The following GLCCI1 variants were observed in gnomAD, a reference collection of about 807,000 sequenced individuals.
The protein encoded by GLCCI1 is glucocorticoid-induced transcript 1 protein.
Under a neutral mutation model 52.2 loss-of-function variants are expected in GLCCI1, and 24 were observed. The ratio of observed to expected loss-of-function variants is 0.46; its 90% CI spans 0.33 to 0.65. GLCCI1 has a LOEUF of 0.65. Ranked by LOEUF, GLCCI1 falls within the 30% of genes least tolerant of loss-of-function variation. The pLI, the probability that GLCCI1 is intolerant of heterozygous loss-of-function variation, is 0.02. For synonymous variants in GLCCI1, 310 were observed against 276.5 expected, an observed-to-expected ratio of 1.12 and a Z score of -1.20; for missense variants, 704 against 701.5, an observed-to-expected ratio of 1.00 and a Z score of -0.04.
At chr7:8,040,796 A>G (rs1781979751) in intron 3 of GLCCI1, among the ~76,000 whole-genome samples, 1 of 152,252 alleles carries the variant, frequency 6.6e-6, no homozygotes, top group South Asian at 2.1e-4. Flanking sequence ...ACAAATGTTT[A>G]TCGCAGCATC....
chr7:8,025,722 T>C (rs2127949905), intron 3 of GLCCI1, among the ~76,000 whole-genome samples: 1 of 152,030 alleles, frequency 6.6e-6, no homozygotes, highest in East Asian at 1.9e-4. Context: ...AGAAAATGGG[T>C]CATCACATGT....
intron 1 of GLCCI1, among the ~76,000 whole-genome samples, chr7:7,994,072 A>G (rs1167488453): frequency 6.6e-6 from 1 of 152,110 alleles, no homozygotes; most frequent in Non-Finnish European, 1.5e-5. Context: ...TGGCCAACAT[A>G]GTGAAACCCT....
intron 6 of GLCCI1, among the ~76,000 whole-genome samples, chr7:8,080,240 G>A (rs564088332): frequency 8.6e-5 from 13 of 151,516 alleles, no homozygotes; most frequent in East Asian, 1.9e-4. Context: ...TAACACTAGA[G>A]TAGTAATTTT....
intron 1 of GLCCI1, among the ~76,000 whole-genome samples, chr7:8,002,100 A>G (rs1192622426): frequency 6.6e-6 from 1 of 152,166 alleles, no homozygotes; most frequent in Non-Finnish European, 1.5e-5. Context: ...TATACTTTTA[A>G]AAAAAGGAAA....
Position 8,086,570 on chromosome 7 carries a change from C to T in GLCCI1, c.*32C>T, listed in dbSNP as rs753886553. 6.6e-7 allele frequency: 1 copy of T among 1,509,388 alleles called. No individual in the cohort carries two copies. Among genetic ancestry groups the T allele is most frequent in the East Asian group, 2.3e-5 (1 of 44,198 alleles). 93.5% of individuals were successfully genotyped at this position (1,509,388 alleles called of 1,614,324 possible). On this transcript the variant is annotated 3_prime_UTR_variant, in exon 8 of 8. Transcript: ENST00000223145. This position sits in a 1 kb window ranked among gnomAD's most constrained non-coding sequence, Gnocchi z 4.4. Reference sequence around the variant, plus strand: ...GGGAGCTGGCCTCCACCCTATGTTCCATGGATTCGGAACAAGATTTCAGAC... The same window carrying T: ...GGGAGCTGGCCTCCACCCTATGTTCTATGGATTCGGAACAAGATTTCAGAC...
At chr7:7,980,620 A>G (rs1026380145) in intron 1 of GLCCI1, 1 of 785,660 alleles carries the variant, frequency 1.3e-6, no homozygotes, top group African/African-American at 1.7e-5. Context: ...TGATCAAGCA[A>G]GCTTTTTTGA....
At chr7:7,996,903 G>C (rs544974045) in intron 1 of GLCCI1, among the ~76,000 whole-genome samples, 1 of 152,278 alleles carries the variant, frequency 6.6e-6, no homozygotes, top group South Asian at 2.1e-4. Flanking sequence ...CTTCAGTTTT[G>C]CTCTTTGGTT....
chr7:8,084,416 G>A (rs995409461), intron 6 of GLCCI1, among the ~76,000 whole-genome samples: 8 of 151,962 alleles, frequency 5.3e-5, no homozygotes, highest in African/African-American at 9.7e-5. Flanking sequence ...TTTCCCCTGC[G>A]TACGTGTTAT....
rs1329449880 is a variant in GLCCI1, at chr7:8,043,635, A to C, written c.697-11798A>C. On this transcript the variant is annotated intron_variant, in intron 3 of 7. Transcript: ENST00000223145. ...TGGGGGGTGATGAAAAAGTCCTAAA[A>C]TTGGATTGTGATTCTTGTTGTATAA... Among the ~76,000 whole-genome samples, 10 of 152,340 alleles carry C rather than the reference A, an allele frequency of 6.6e-5. No homozygotes were observed. The East Asian group carries it at 1.9e-3, about 29-fold the overall frequency.
intron 6 of GLCCI1, among the ~76,000 whole-genome samples, chr7:8,079,731 AGTG>A (rs1387558401): frequency 6.6e-6 from 1 of 151,548 alleles, no homozygotes; most frequent in East Asian, 1.9e-4. Context: ...TGGAATGAGA[AGTG>A]ATTACAAAAT....
intron 1 of GLCCI1, among the ~76,000 whole-genome samples, chr7:7,990,786 A>G (rs1369344094): frequency 6.6e-6 from 1 of 152,114 alleles, no homozygotes; most frequent in African/African-American, 2.4e-5. Flanking sequence ...GTGTCAATAT[A>G]TATGAAAGTA....
chr7:8,059,962 C>T (rs1782478037), intron 4 of GLCCI1, 134 bp from the exon 5 acceptor site: 27 of 699,686 alleles, frequency 3.9e-5, no homozygotes, highest in Middle Eastern at 2.7e-4. Flanking sequence ...ATATGTGCAC[C>T]TGAATTTTAT....
intron 2 of GLCCI1, among the ~76,000 whole-genome samples, chr7:8,013,166 A>AT (rs1376908979): frequency 6.6e-6 from 1 of 151,934 alleles, no homozygotes; most frequent in African/African-American, 2.4e-5. Flanking sequence ...ATTGGGAAAG[A>AT]TTTTTTCCAC....
At chr7:8,023,254 A>T (rs944262002) in intron 3 of GLCCI1, among the ~76,000 whole-genome samples, 2 of 152,134 alleles carry the variant, frequency 1.3e-5, no homozygotes, top group African/African-American at 2.4e-5. Flanking sequence ...TGACCTCGTG[A>T]TCCGCCCGCC....
At chr7:8,075,593 C>T (rs1782860500) in intron 6 of GLCCI1, among the ~76,000 whole-genome samples, 1 of 152,192 alleles carries the variant, frequency 6.6e-6, no homozygotes, top group South Asian at 2.1e-4. Context: ...TTGATGGTAG[C>T]CAAACTGGTG....
chr7:8,026,366 C>CA (rs200636540), intron 3 of GLCCI1, among the ~76,000 whole-genome samples: 2,371 of 152,224 alleles, frequency 0.016, 26 homozygotes, highest in Admixed American at 0.043. Context: ...AGTTGTGACA[C>CA]AAAAATAGAA....
chr7:8,078,075 A>G (rs1261850766), intron 6 of GLCCI1, among the ~76,000 whole-genome samples: 2 of 152,028 alleles, frequency 1.3e-5, no homozygotes, highest in Non-Finnish European at 2.9e-5. Flanking sequence ...TCTACTAAAA[A>G]TACAAAAAAT....
In GLCCI1 at chr7:7,968,864, C is replaced by G. The variant is rs890401797; in HGVS notation, c.-487C>G. 5 of 159,186 alleles carry G rather than the reference C, an allele frequency of 3.1e-5. No individual in the cohort carries two copies. Among genetic ancestry groups the G allele is most frequent in the Non-Finnish European group, 5.5e-5 (4 of 72,722 alleles). The allele number at this position is 159,186 out of a possible 1,614,324, so 9.9% of individuals were successfully genotyped here. A position where few individuals can be genotyped will look rare whatever the true frequency, so the allele number is the denominator to read the frequency against. ...GCGGCGGCGTTTGCGGTGGCGCGGA[C>G]TCCGAGGAGCGCCAGCACCTCGAGG... On this transcript the variant is annotated 5_prime_UTR_variant, in exon 1 of 8. Transcript: ENST00000223145.
chr7:8,025,326 C>T (rs1331991820), intron 3 of GLCCI1, among the ~76,000 whole-genome samples: 10 of 151,670 alleles, frequency 6.6e-5, no homozygotes, highest in East Asian at 1.9e-4. Flanking sequence ...GGTGACAGAG[C>T]GAGACTCCAT....
Sources: gnomAD v4.1 joint callset for allele counts (sites outside exome capture counted in the v4.1 genomes callset) on GRCh38, gnomAD v4.1.1 for gene constraint, Gnocchi (gnomAD v3.1) non-coding constraint, MANE v1.5 for transcripts, NCBI Gene and HGNC (gene_info 2026-07-23, HGNC 2026-07-21) for gene names.